Variants in ST8SIA1 observed in about 807,000 individuals in gnomAD.
The protein encoded by ST8SIA1 is alpha-N-acetylneuraminide alpha-2,8-sialyltransferase.
A neutral mutation model predicts 35.9 loss-of-function variants in ST8SIA1; 16 were observed. The observed-to-expected ratio is 0.45, with a 90% CI of 0.30 to 0.68. ST8SIA1 has a LOEUF of 0.68. Among genes scored for constraint, ST8SIA1 ranks in the 30% least tolerant of loss-of-function variants. ST8SIA1 has a pLI of 0.09. For missense variants in ST8SIA1, 383 were observed against 453.6 expected (o/e 0.84, Z 1.41); for synonymous variants, 170 against 169.6 (o/e 1.00, Z -0.02).
intron 4 of ST8SIA1, among the ~76,000 whole-genome samples, chr12:22,246,654 G>A (rs80197717): frequency 0.017 from 2,611 of 149,670 alleles, 56 homozygotes; most frequent in Admixed American, 0.069. Flanking sequence ...AGCAGTTTGG[G>A]TTTTTTTTTT....
chr12:22,257,560 A>G (rs1325157537), intron 2 of ST8SIA1, among the ~76,000 whole-genome samples: 1 of 151,616 alleles, frequency 6.6e-6, no homozygotes, highest in African/African-American at 2.4e-5. Context: ...ATCAGGGAGG[A>G]GTTCAATTTG....
At chr12:22,294,692 C>A (rs2135821050) in intron 1 of ST8SIA1, among the ~76,000 whole-genome samples, 1 of 152,244 alleles carries the variant, frequency 6.6e-6, no homozygotes. Flanking sequence ...ATTTGTGTTT[C>A]TCTAGTAAGG....
chr12:22,259,577 T>A (rs1489347911), intron 2 of ST8SIA1, among the ~76,000 whole-genome samples: 1 of 152,132 alleles, frequency 6.6e-6, no homozygotes, highest in Non-Finnish European at 1.5e-5. Context: ...GCCATTCTCC[T>A]GCCTCGGCCT....
At chr12:22,251,994 G>A (rs66898944) in intron 3 of ST8SIA1, among the ~76,000 whole-genome samples, 11,886 of 152,192 alleles carry the variant, frequency 0.078, 880 homozygotes, top group African/African-American at 0.18. Flanking sequence ...TTCCTTTTGA[G>A]GATGCAATCC....
At chr12:22,247,658 G>T (rs1245344348) in intron 4 of ST8SIA1, among the ~76,000 whole-genome samples, 1 of 151,838 alleles carries the variant, frequency 6.6e-6, no homozygotes, top group Non-Finnish European at 1.5e-5. Flanking sequence ...GGGAAGGGAG[G>T]AGCATCAGAG....
chr12:22,223,979 G>A (rs1258234678), intron 4 of ST8SIA1, among the ~76,000 whole-genome samples: 1 of 152,006 alleles, frequency 6.6e-6, no homozygotes, highest in Non-Finnish European at 1.5e-5. Flanking sequence ...TCAAAAGGTC[G>A]GAACATTTTC....
chr12:22,276,799 G>C (rs961801861), intron 2 of ST8SIA1, among the ~76,000 whole-genome samples: 12 of 151,694 alleles, frequency 7.9e-5, no homozygotes, highest in Non-Finnish European at 1.5e-4. Context: ...CAGGAAGAGG[G>C]GAGAGAGAGA....
rs201596276 is a variant in ST8SIA1, at chr12:22,195,418, CT to C, written c.*6133del. ...CTGCTTCCTCTAGCATCTTTTCTCT[CT>C]TTTTTTTTCTGTTTGTTGTTTTGTT... On this transcript the variant is annotated 3_prime_UTR_variant, in exon 5 of 5. Coordinates refer to ENST00000396037, the MANE Select transcript of ST8SIA1 (RefSeq NM_003034.4). 13 of 151,046 alleles carry C rather than the reference CT, an allele frequency of 8.6e-5. No individual in the cohort carries two copies. Among genetic ancestry groups the C allele is most frequent in the East Asian group, 7.8e-4 (4 of 5,124 alleles). The allele number at this position is 151,046 out of a possible 1,614,324, so 9.4% of individuals were successfully genotyped here. A position where few individuals can be genotyped will look rare whatever the true frequency, so the allele number is the denominator to read the frequency against.
chr12:22,217,402 C>A (rs1865246494), intron 4 of ST8SIA1, among the ~76,000 whole-genome samples: 1 of 152,052 alleles, frequency 6.6e-6, no homozygotes, highest in African/African-American at 2.4e-5. Flanking sequence ...AAAGCAACAC[C>A]TTATATTTTA....
intron 4 of ST8SIA1, among the ~76,000 whole-genome samples, chr12:22,222,572 G>C (rs1472700552): frequency 6.7e-6 from 1 of 150,058 alleles, no homozygotes; most frequent in African/African-American, 2.5e-5. Context: ...GTATGTGAAA[G>C]AAGTGTAAGT....
chr12:22,225,236 C>T (rs963075789), intron 4 of ST8SIA1, among the ~76,000 whole-genome samples: 1 of 152,142 alleles, frequency 6.6e-6, no homozygotes, highest in Non-Finnish European at 1.5e-5. Flanking sequence ...TTTGTGGTAG[C>T]AGCCCTAAGA....
intron 2 of ST8SIA1, among the ~76,000 whole-genome samples, chr12:22,278,202 T>C (rs937980487): frequency 1.1e-4 from 16 of 152,232 alleles, no homozygotes; most frequent in Admixed American, 8.5e-4. Flanking sequence ...ATCAAATCCT[T>C]GCTTTAAATT....
intron 4 of ST8SIA1, among the ~76,000 whole-genome samples, chr12:22,204,129 C>T (rs953694278): frequency 6.6e-6 from 1 of 152,020 alleles, no homozygotes; most frequent in African/African-American, 2.4e-5. Flanking sequence ...TTGAGACAAG[C>T]TGTTTCACAT....
intron 2 of ST8SIA1, among the ~76,000 whole-genome samples, chr12:22,280,917 C>T (rs1248466046): frequency 6.6e-6 from 1 of 152,182 alleles, no homozygotes; most frequent in Non-Finnish European, 1.5e-5. Flanking sequence ...TCACCTTGCT[C>T]TTTTACTTTA....
chr12:22,237,552 TTAA>T (rs1865489452), intron 4 of ST8SIA1, among the ~76,000 whole-genome samples: 1 of 151,466 alleles, frequency 6.6e-6, no homozygotes, highest in Admixed American at 6.6e-5. Context: ...TTTTTTTCAC[TTAA>T]TATTAGAACA....
chr12:22,327,327 T>A (rs1565597895), intron 1 of ST8SIA1, among the ~76,000 whole-genome samples: 3 of 152,188 alleles, frequency 2.0e-5, no homozygotes, highest in Admixed American at 6.5e-5. Flanking sequence ...CTATACCACT[T>A]GCATATGTGG....
rs940073011 is a variant in ST8SIA1, at chr12:22,194,826, G to A, written c.*6726C>T. The A allele has an allele frequency of 1.3e-5, 2 of 152,126 alleles. No individual in the cohort carries two copies. Among genetic ancestry groups the A allele is most frequent in the Non-Finnish European group, 2.9e-5 (2 of 68,036 alleles). The allele number at this position is 152,126 out of a possible 1,614,324, so 9.4% of individuals were successfully genotyped here. On this transcript the variant is annotated 3_prime_UTR_variant, in exon 5 of 5. Coordinates refer to ENST00000396037, the MANE Select transcript of ST8SIA1 (RefSeq NM_003034.4). ...CTGCTATCACTGCCTCATCATGACA[G>A]ATGTAAATAATAATCTTATTTGGGG...
At chr12:22,248,225 C>T (rs891552507) in intron 4 of ST8SIA1, among the ~76,000 whole-genome samples, 8 of 152,140 alleles carry the variant, frequency 5.3e-5, no homozygotes, top group Admixed American at 1.3e-4. Flanking sequence ...AGATGACAAG[C>T]GCCTGGGCCC....
chr12:22,204,567 A>C (rs1466983046), intron 4 of ST8SIA1, among the ~76,000 whole-genome samples: 1 of 152,076 alleles, frequency 6.6e-6, no homozygotes, highest in Non-Finnish European at 1.5e-5. Flanking sequence ...GTCTCTGTGG[A>C]CTACATACTA....
Sources: allele counts gnomAD v4.1 joint callset (sites outside exome capture counted in the v4.1 genomes callset), GRCh38; gene constraint gnomAD v4.1.1; transcripts MANE v1.5; gene names NCBI Gene and HGNC (gene_info 2026-07-23, HGNC 2026-07-21).